Variants in XNDC1N observed in about 807,000 individuals in gnomAD.
The protein encoded by XNDC1N is protein XNDC1N.
the XNDC1N span, among the ~76,000 whole-genome samples, chr11:71,898,788 A>G: frequency 6.6e-6 from 1 of 152,166 alleles, no homozygotes; most frequent in Non-Finnish European, 1.5e-5. Flanking sequence ...GGAGACGATG[A>G]CGGTGATGGT....
the XNDC1N span, among the ~76,000 whole-genome samples, chr11:71,927,284 A>C: frequency 6.6e-6 from 1 of 152,330 alleles, no homozygotes; most frequent in East Asian, 1.9e-4. Flanking sequence ...CTGTAATCCC[A>C]GCACTTTGGG....
At chr11:71,868,958 A>G in the XNDC1N span, among the ~76,000 whole-genome samples, 1 of 152,110 alleles carries the variant, frequency 6.6e-6, no homozygotes, top group Non-Finnish European at 1.5e-5. Flanking sequence ...CATATTTCTC[A>G]GAGGTTTGTT....
the XNDC1N span, among the ~76,000 whole-genome samples, chr11:71,891,968 G>A: frequency 4.6e-5 from 7 of 151,696 alleles, no homozygotes; most frequent in African/African-American, 7.3e-5. Flanking sequence ...ACAATATCCC[G>A]GCGGGAGGTG....
the XNDC1N span, among the ~76,000 whole-genome samples, chr11:71,885,803 C>A: frequency 4.6e-5 from 7 of 151,710 alleles, no homozygotes; most frequent in Non-Finnish European, 1.0e-4. Flanking sequence ...TTCTTAGGAG[C>A]TAATATTACT....
chr11:71,886,873 A>C, the XNDC1N span, among the ~76,000 whole-genome samples: 10 of 152,308 alleles, frequency 6.6e-5, no homozygotes, highest in East Asian at 1.7e-3. Flanking sequence ...AGGGGCCCCC[A>C]CAAAGAGGCA....
the XNDC1N span, among the ~76,000 whole-genome samples, chr11:71,883,407 A>G: frequency 6.6e-6 from 1 of 152,324 alleles, no homozygotes; most frequent in African/African-American, 2.4e-5. Context: ...AGGCCACTGG[A>G]AGAGAATAGA....
the XNDC1N span, chr11:71,903,098 T>C: frequency 3.4e-6 from 2 of 587,298 alleles, no homozygotes; most frequent in African/African-American, 1.9e-5. Context: ...ATTGCTTCTA[T>C]CCAAAATGCA....
At chr11:71,885,654 C>A in the XNDC1N span, among the ~76,000 whole-genome samples, 1 of 151,972 alleles carries the variant, frequency 6.6e-6, no homozygotes, top group East Asian at 1.9e-4. Flanking sequence ...TGGGTGTACA[C>A]CCACTGAGGT....
the XNDC1N span, among the ~76,000 whole-genome samples, chr11:71,882,064 CT>C: frequency 6.6e-6 from 1 of 151,734 alleles, no homozygotes; most frequent in Non-Finnish European, 1.5e-5. Context: ...TATATTGAAA[CT>C]GCCAAAAATC....
At chr11:71,913,665 T>TAGAAAAAA in the XNDC1N span, among the ~76,000 whole-genome samples, 1 of 105,346 alleles carries the variant, frequency 9.5e-6, no homozygotes, top group Non-Finnish European at 2.0e-5. Flanking sequence ...TCTCAAAAGA[T>TAGAAAAAA]AAAAAAAAAA....
chr11:71,866,521 C>T, the XNDC1N span, among the ~76,000 whole-genome samples: 1 of 152,122 alleles, frequency 6.6e-6, no homozygotes, highest in South Asian at 2.1e-4. Flanking sequence ...GTGGCTCACA[C>T]CTGTAATCCC....
the XNDC1N span, among the ~76,000 whole-genome samples, chr11:71,895,825 T>C: frequency 1.3e-5 from 2 of 152,356 alleles, no homozygotes; most frequent in African/African-American, 4.8e-5. Flanking sequence ...GAAGAAACTG[T>C]GGTATACACA....
chr11:71,919,877 A>G, the XNDC1N span, among the ~76,000 whole-genome samples: 1 of 137,896 alleles, frequency 7.3e-6, no homozygotes, highest in South Asian at 2.4e-4. Context: ...TCGGCCTCCC[A>G]AAGTGCTGGG....
chr11:71,876,100 C>T, the XNDC1N span, among the ~76,000 whole-genome samples: 1 of 152,024 alleles, frequency 6.6e-6, no homozygotes, highest in Non-Finnish European at 1.5e-5. Context: ...ATCAAAGTCC[C>T]CAAAGCTGTC....
the XNDC1N span, among the ~76,000 whole-genome samples, chr11:71,913,971 TACTC>T: frequency 6.6e-6 from 1 of 152,238 alleles, no homozygotes; most frequent in Non-Finnish European, 1.5e-5. Flanking sequence ...TGAAACCTAA[TACTC>T]AGAAAGAAAG....
chr11:71,898,731 G>A, the XNDC1N span, among the ~76,000 whole-genome samples: 6 of 152,088 alleles, frequency 3.9e-5, no homozygotes, highest in Non-Finnish European at 7.4e-5. Flanking sequence ...GGAGTGGAGA[G>A]CTTGGTGAAT....
At chr11:71,896,793 A>G in the XNDC1N span, among the ~76,000 whole-genome samples, 1 of 151,986 alleles carries the variant, frequency 6.6e-6, no homozygotes, top group Non-Finnish European at 1.5e-5. Flanking sequence ...TCAACTCCTG[A>G]CCTCACGTGA....
At chr11:71,887,437 A>G in the XNDC1N span, among the ~76,000 whole-genome samples, 1 of 152,124 alleles carries the variant, frequency 6.6e-6, no homozygotes, top group Non-Finnish European at 1.5e-5. Flanking sequence ...AACGGGAGTC[A>G]TTATGACACT....
the XNDC1N span, among the ~76,000 whole-genome samples, chr11:71,887,470 A>T: frequency 2.0e-5 from 3 of 151,900 alleles, no homozygotes; most frequent in Admixed American, 6.6e-5. Flanking sequence ...AGAGGAGGAA[A>T]GGAGACTTTT....
Sources: allele counts gnomAD v4.1 joint callset (sites outside exome capture counted in the v4.1 genomes callset), GRCh38; gene constraint gnomAD v4.1.1; transcripts MANE v1.5; gene names NCBI Gene and HGNC (gene_info 2026-07-23, HGNC 2026-07-21).